Variants in MINDY4 observed in about 807,000 individuals in gnomAD.
The protein encoded by MINDY4 is MINDY lysine 48 deubiquitinase 4.
A neutral mutation model predicts 87.0 loss-of-function variants in MINDY4; 68 were observed. That is an observed-to-expected ratio of 0.78 (90% CI 0.64 to 0.96). The LOEUF (loss-of-function observed/expected upper bound fraction) is 0.96. Ranked by LOEUF, MINDY4 falls within the 40% of genes least tolerant of loss-of-function variation. The pLI is 0.00. For missense variants in MINDY4, 919 were observed against 928.2 expected (o/e 0.99, Z 0.13); for synonymous variants, 379 against 363.2 (o/e 1.04, Z -0.50).
intron 17 of MINDY4, among the ~76,000 whole-genome samples, chr7:30,884,408 G>A (rs1041481130): frequency 6.6e-5 from 10 of 152,208 alleles, no homozygotes; most frequent in African/African-American, 2.4e-4. Flanking sequence ...GCACCTGCAG[G>A]TCGCTTTCCT....
At chr7:30,827,983 T>G (rs1372205635) in intron 5 of MINDY4, among the ~76,000 whole-genome samples, 1 of 152,158 alleles carries the variant, frequency 6.6e-6, no homozygotes, top group African/African-American at 2.4e-5. Flanking sequence ...TTAGAAATGA[T>G]TTTACTTTAG....
chr7:30,852,316 C>T, intron 11 of MINDY4, 37 bp downstream of exon 11: 2 of 1,613,634 alleles, frequency 1.2e-6, no homozygotes, highest in Non-Finnish European at 1.7e-6. Flanking sequence ...CAAACTTTGG[C>T]TTTGTTTGGG....
In MINDY4 at chr7:30,892,216, T is replaced by C. The variant is rs947693927; in HGVS notation, c.*211T>C. Reference sequence around the variant, plus strand: ...GTGTGTTGCTGGGTCCCCTCCCAGCTGAGCTGTGACTGCTGAGTACTGGAA... The same window carrying C: ...GTGTGTTGCTGGGTCCCCTCCCAGCCGAGCTGTGACTGCTGAGTACTGGAA... On this transcript the variant is annotated 3_prime_UTR_variant, in exon 18 of 18. Transcript: ENST00000265299. The C allele has an allele frequency of 1.0e-5, 6 of 578,452 alleles. No homozygotes were observed. Among genetic ancestry groups the C allele is most frequent in the African/African-American group, 1.9e-5 (1 of 53,284 alleles). The allele number at this position is 578,452 out of a possible 1,614,324, so 35.8% of individuals were successfully genotyped here. A position where few individuals can be genotyped will look rare whatever the true frequency, so the allele number is the denominator to read the frequency against.
chr7:30,877,621 T>C (rs1335850383), intron 15 of MINDY4, among the ~76,000 whole-genome samples: 1 of 151,672 alleles, frequency 6.6e-6, no homozygotes, highest in Non-Finnish European at 1.5e-5. Flanking sequence ...TGCCTTCCAC[T>C]GAAGACTCAG....
chr7:30,839,182 T>C lies in MINDY4; in HGVS notation c.1240-18T>C. 6.5e-7 allele frequency: 1 copy of C among 1,536,022 alleles called. No individual in the cohort carries two copies. On this transcript the variant is annotated intron_variant, in intron 7 of 17. Transcript: ENST00000265299. ...TTGCTTTTAAAACAACCAGTAAAAC[T>C]CTCTCTTCTTTTTATAGGAAATAAA...
At position 30,791,494 on chromosome 7, in the gene MINDY4, G is replaced by C. The variant is rs1787321081; in HGVS notation, c.993G>C (p.Leu331Phe). ...ACAGGATGCCCTTGAAGCTCTACTT[G>C]CCTGGTGGTAATTCCAGGATGACCC... ...DTDRMPLKLY[L>F]PGGNSRMTQE... Residue 331 changes from leucine to phenylalanine, a missense_variant, in exon 5 of 18, where the codon TTG (leucine) becomes TTC (phenylalanine). Leu to Phe is a conservative substitution (Grantham distance 22, BLOSUM62 0). Transcript: ENST00000265299. 1.2e-6 allele frequency: 2 copies of C among 1,613,886 alleles called. No homozygotes were observed. Among genetic ancestry groups the C allele is most frequent in the Admixed American group, 3.3e-5 (2 of 60,000 alleles).
At chr7:30,790,067 G>A (rs1357737330) in intron 4 of MINDY4, among the ~76,000 whole-genome samples, 2 of 152,212 alleles carry the variant, frequency 1.3e-5, no homozygotes, top group Non-Finnish European at 2.9e-5. Flanking sequence ...AATACGCATA[G>A]GAGTAGTGAG....
rs147330421 is a variant in MINDY4, at chr7:30,863,010, G to C, written c.1745+3686G>C. Among the ~76,000 whole-genome samples, 573 of 152,070 alleles carry C rather than the reference G, an allele frequency of 3.8e-3. 1 individual carries two copies. Among genetic ancestry groups the C allele is most frequent in the African/African-American group, 0.013 (547 of 41,436 alleles). On this transcript the variant is annotated intron_variant, in intron 13 of 17. Transcript: ENST00000265299. ...CCCCTGCTGCCCCCCTCCCCAGCCTGCCAATCCAGCACCAACCCCTGCTCT... is the reference window on the plus strand; with the variant it reads ...CCCCTGCTGCCCCCCTCCCCAGCCTCCCAATCCAGCACCAACCCCTGCTCT...
At chr7:30,851,758 A>T (rs1789420608) in intron 10 of MINDY4, among the ~76,000 whole-genome samples, 1 of 152,196 alleles carries the variant, frequency 6.6e-6, no homozygotes, top group Non-Finnish European at 1.5e-5. Flanking sequence ...ACGGGGCCCC[A>T]AACCCGGCTC....
chr7:30,781,049 G>C (rs1349969331), intron 2 of MINDY4: 1 of 152,278 alleles, frequency 6.6e-6, no homozygotes, highest in African/African-American at 2.4e-5. Flanking sequence ...GAGAGGAGTA[G>C]GAAGGGGGAG....
chr7:30,843,294 G>T (rs1789098007), intron 9 of MINDY4, among the ~76,000 whole-genome samples: 1 of 152,240 alleles, frequency 6.6e-6, no homozygotes. Flanking sequence ...AGGAGTCACT[G>T]GGGGTGGTTA....
At chr7:30,775,708 C>A (rs1786789845) in intron 1 of MINDY4, among the ~76,000 whole-genome samples, 1 of 152,166 alleles carries the variant, frequency 6.6e-6, no homozygotes, top group African/African-American at 2.4e-5. Flanking sequence ...GGGTCCCCAT[C>A]CACTAGTCAT....
chr7:30,819,764 A>C (rs906321854), intron 5 of MINDY4, among the ~76,000 whole-genome samples: 1 of 152,108 alleles, frequency 6.6e-6, no homozygotes, highest in Non-Finnish European at 1.5e-5. Context: ...TTTTTATCCC[A>C]AAATCTGTTT....
At chr7:30,853,277 C>T (rs1392285305) in intron 11 of MINDY4, 117 bp from the exon 12 acceptor site, 38 of 785,838 alleles carry the variant, frequency 4.8e-5, no homozygotes, top group Non-Finnish European at 7.5e-5. Flanking sequence ...CTCTCTGACG[C>T]AGGGACATTC....
chr7:30,781,610 A>G (rs1431049771), intron 2 of MINDY4: 1 of 196,582 alleles, frequency 5.1e-6, no homozygotes, highest in Non-Finnish European at 1.0e-5. Context: ...TGTTCCCTAC[A>G]GACTCCGTTT....
intron 5 of MINDY4, among the ~76,000 whole-genome samples, chr7:30,800,911 A>G (rs1332577266): frequency 6.6e-6 from 1 of 152,202 alleles, no homozygotes; most frequent in African/African-American, 2.4e-5. Flanking sequence ...ATCTTCATCA[A>G]TCCTCCCAAC....
chr7:30,812,970 C>G (rs1244940387), intron 5 of MINDY4, among the ~76,000 whole-genome samples: 1 of 152,238 alleles, frequency 6.6e-6, no homozygotes. Context: ...GGTCAGCGCT[C>G]TTCCTGGCGT....
intron 12 of MINDY4, 111 bp downstream of exon 12, chr7:30,853,570 G>A: frequency 1.0e-6 from 1 of 985,016 alleles, no homozygotes; most frequent in South Asian, 1.4e-5. Context: ...ACCCTGGGAT[G>A]GCGAGGAAGC....
chr7:30,856,655 C>T (rs748216774), intron 12 of MINDY4, among the ~76,000 whole-genome samples: 2 of 152,010 alleles, frequency 1.3e-5, no homozygotes, highest in Non-Finnish European at 2.9e-5. Flanking sequence ...ATGTCCATGG[C>T]AGAAGTAGGC....
Sources: gnomAD v4.1 joint callset for allele counts (sites outside exome capture counted in the v4.1 genomes callset) on GRCh38, gnomAD v4.1.1 for gene constraint, MANE v1.5 for transcripts, NCBI Gene and HGNC (gene_info 2026-07-23, HGNC 2026-07-21) for gene names.